SYNE1: variants seen among roughly 807,000 people sequenced by gnomAD.
The protein encoded by SYNE1 is nesprin-1.
Under a neutral mutation model 1,111.0 loss-of-function variants are expected in SYNE1, and 616 were observed. The ratio of observed to expected loss-of-function variants is 0.55; its 90% confidence interval spans 0.52 to 0.59. The LOEUF is 0.59. Among genes scored for constraint, SYNE1 ranks in the 20% least tolerant of loss-of-function variants. The probability of loss-of-function intolerance (pLI) is 0.00; values close to 1 mark genes in which losing one functional copy is unlikely to be tolerated. For synonymous variants in SYNE1, 3,855 were observed against 3,825.8 expected, an observed-to-expected ratio of 1.01 and a Z score of -0.28; for missense variants, 10,006 against 10,417.0, an observed-to-expected ratio of 0.96 and a Z score of 1.72.
chr6:152,423,952 G>T (rs144672017), intron 39 of SYNE1, among the ~76,000 whole-genome samples: 145 of 152,312 alleles, frequency 9.5e-4, no homozygotes, highest in African/African-American at 3.3e-3. Flanking sequence ...CCATCCTGCA[G>T]TCCCTGCCAT....
At chr6:152,243,957 A>C (rs568489883) in intron 106 of SYNE1, among the ~76,000 whole-genome samples, 2 of 152,314 alleles carry the variant, frequency 1.3e-5, no homozygotes, top group East Asian at 3.9e-4. Flanking sequence ...AATTAACCCA[A>C]AGCATTATTC....
chr6:152,457,223 G>A (rs1476446300), intron 22 of SYNE1, among the ~76,000 whole-genome samples: 5 of 152,048 alleles, frequency 3.3e-5, no homozygotes, highest in Non-Finnish European at 5.9e-5. Flanking sequence ...TGACATTATG[G>A]TGTATCTAAT....
intron 22 of SYNE1, among the ~76,000 whole-genome samples, chr6:152,456,965 G>A (rs1207267788): frequency 3.3e-5 from 5 of 151,966 alleles, no homozygotes; most frequent in Non-Finnish European, 5.9e-5. Context: ...GGTAATATAA[G>A]TCCAAAATGT....
chr6:152,353,807 T>C, intron 67 of SYNE1, 63 bp from the exon 68 acceptor site: 1 of 1,593,810 alleles, frequency 6.3e-7, no homozygotes, highest in South Asian at 1.1e-5. Context: ...GCCAAATGTA[T>C]ATCTTCTTAT....
intron 39 of SYNE1, among the ~76,000 whole-genome samples, chr6:152,423,351 A>C (rs113507957): frequency 6.6e-6 from 1 of 152,310 alleles, no homozygotes; most frequent in South Asian, 2.1e-4. Flanking sequence ...AAATAAATTT[A>C]TATGCCTTTT....
At chr6:152,481,655 A>T (rs912785395) in intron 14 of SYNE1, 8 of 408,310 alleles carry the variant, frequency 2.0e-5, no homozygotes, top group Non-Finnish European at 3.9e-5. Context: ...CTTAGTTGCT[A>T]ATTTGCTAAA....
rs2096198267 is a variant in SYNE1, at chr6:152,329,710, T to C, written c.14955+20A>G. The stretch of plus-strand genomic sequence containing the variant: ...ATAAGCAGAGTGGAAAAAAGAGAAG[T>C]GAAGTCCTATTATACCCACCTGTCT... On this transcript the variant is annotated intron_variant, in intron 78 of 145. Transcript: ENST00000367255. 3 of 1,614,074 alleles carry C rather than the reference T, an allele frequency of 1.9e-6. No individual in the cohort carries two copies. Among genetic ancestry groups the C allele is most frequent in the Admixed American group, 1.7e-5 (1 of 60,002 alleles).
At chr6:152,575,627 A>G (rs950483190) in intron 3 of SYNE1, among the ~76,000 whole-genome samples, 7 of 152,252 alleles carry the variant, frequency 4.6e-5, no homozygotes, top group African/African-American at 1.7e-4. Flanking sequence ...TGGAGTCAAC[A>G]TAAATAAACA....
At chr6:152,171,228 G>A (rs941958225) in intron 130 of SYNE1, among the ~76,000 whole-genome samples, 4 of 152,314 alleles carry the variant, frequency 2.6e-5, no homozygotes, top group Admixed American at 6.5e-5. Context: ...TGTGGTAACC[G>A]AGGTGCTGAG....
intron 78 of SYNE1, 123 bp from the exon 79 acceptor site, chr6:152,326,756 G>A (rs576487551): frequency 3.4e-6 from 3 of 881,828 alleles, no homozygotes; most frequent in African/African-American, 3.3e-5. Flanking sequence ...TAAGTGCATT[G>A]ATAAGTTAGT....
Position 152,420,095 on chromosome 6 carries a change from G to A in SYNE1, c.5268-373C>T, listed in dbSNP as rs570225111. On this transcript the variant is annotated intron_variant, in intron 39 of 145. Transcript: ENST00000367255. ...TTATCATTATGTTCAATTGTTGTGT[G>A]CCACAGAAGTAACCAAAGTTTTTAA... 2.6e-5 allele frequency among the ~76,000 whole-genome samples: 4 copies of A among 152,266 alleles called. No homozygotes were observed. In the East Asian group the frequency reaches 7.7e-4, roughly 29 times the overall value.
rs71575919 is a variant in SYNE1 at position 152,180,421 on chromosome 6, C to T, written c.23302-127G>A. The T allele has an allele frequency of 0.052, 48,435 of 925,706 alleles. 1,592 individuals carry two copies. The highest frequency in any genetic ancestry group is 0.083 in the Middle Eastern group (383 of 4,614). The allele number at this position is 925,706 out of a possible 1,614,324, so 57.3% of individuals were successfully genotyped here. On this transcript the variant is annotated intron_variant, in intron 128 of 145. Coordinates refer to ENST00000367255, the MANE Select transcript of SYNE1 (RefSeq NM_182961.4). Reference sequence around the variant, plus strand: ...CATACATCTTTTTAGCCCACTGTTTCCTGAAGTCTAGGATTTGCTATTATA... The same window carrying T: ...CATACATCTTTTTAGCCCACTGTTTTCTGAAGTCTAGGATTTGCTATTATA...
At chr6:152,214,685 T>C (rs894677757) in intron 122 of SYNE1, among the ~76,000 whole-genome samples, 17 of 152,206 alleles carry the variant, frequency 1.1e-4, no homozygotes, top group Admixed American at 7.9e-4. Context: ...TCTCCCCTCC[T>C]GAGGATGCAG....
intron 130 of SYNE1, among the ~76,000 whole-genome samples, chr6:152,166,192 C>T (rs2063621882): frequency 1.3e-5 from 2 of 152,168 alleles, no homozygotes; most frequent in African/African-American, 2.4e-5. Context: ...TAATTGGTCT[C>T]CTCCATGGTA....
chr6:152,215,093 C>G (rs966532321), intron 121 of SYNE1, 33 bp from the exon 122 acceptor site: 1 of 1,612,758 alleles, frequency 6.2e-7, no homozygotes, highest in Non-Finnish European at 8.5e-7. Flanking sequence ...GGTTTAGCAC[C>G]ATGGTCAAAA....
chr6:152,504,300 T>G (rs1230059274), intron 9 of SYNE1, among the ~76,000 whole-genome samples: 1 of 152,124 alleles, frequency 6.6e-6, no homozygotes, highest in Non-Finnish European at 1.5e-5. Flanking sequence ...GGAATCTCCA[T>G]GGGGCCCTTC....
At position 152,461,644 on chromosome 6, in the gene SYNE1, T is replaced by G. The variant is rs1259951823; in HGVS notation, c.2347A>C (p.Lys783Gln). ...TTTGACATGGTCGCAAACATTTCTT[T>G]TCCTTCTTCTTGGGGGCTTTCTTTG... is the stretch of plus-strand genomic sequence containing the variant. ...ITKESPQEEG[K>Q]EMFATMSKLK... The change falls in exon 21 of 146, where the codon AAA becomes CAA. Residue 783 changes from lysine to glutamine, a missense_variant. Lys to Gln is a moderately conservative substitution (Grantham distance 53). Around this residue, in one of 7 missense-constraint regions of SYNE1, gnomAD observed 1,971 missense variants for 2,084.1 expected, o/e 0.95. Transcript: ENST00000367255. 2 of 1,613,942 alleles carry G rather than the reference T, an allele frequency of 1.2e-6. No individual in the cohort carries two copies. Among genetic ancestry groups the G allele is most frequent in the Admixed American group, 3.3e-5 (2 of 59,988 alleles).
chr6:152,319,029 T>G lies in SYNE1; in HGVS notation c.16237-14A>C. On this transcript the variant is annotated splice_polypyrimidine_tract_variant and intron_variant, in intron 84 of 145. Coordinates refer to ENST00000367255, the MANE Select transcript of SYNE1 (RefSeq NM_182961.4). Reference sequence around the variant, plus strand: ...TTTGTCTTGGATCTAAAAAAATCAGTAAGAACAGCAAAACAAGCCATGGTT... The same window carrying G: ...TTTGTCTTGGATCTAAAAAAATCAGGAAGAACAGCAAAACAAGCCATGGTT... 1 of 1,613,884 alleles carries G rather than the reference T, an allele frequency of 6.2e-7. No homozygotes were observed. The highest frequency in any genetic ancestry group is 8.5e-7 in the Non-Finnish European group (1 of 1,179,918).
chr6:152,543,572 T>C (rs1253435225), intron 3 of SYNE1, among the ~76,000 whole-genome samples: 2 of 152,212 alleles, frequency 1.3e-5, no homozygotes, highest in East Asian at 1.9e-4. Flanking sequence ...TTTTTAATGC[T>C]GTTGACAGGG....
Sources: gnomAD v4.1 joint callset for allele counts (sites outside exome capture counted in the v4.1 genomes callset) on GRCh38, gnomAD v4.1.1 for gene constraint, gnomAD v4.1.1 regional missense constraint, MANE v1.5 for transcripts, NCBI Gene and HGNC (gene_info 2026-07-23, HGNC 2026-07-21) for gene names.